The following KHDRBS3 variants were observed in gnomAD, a reference collection of about 807,000 sequenced individuals.
The protein encoded by KHDRBS3 is KH RNA binding domain containing, signal transduction associated 3, also known as KH domain-containing, RNA-binding, signal transduction-associated protein 3.
Under a neutral mutation model 45.6 loss-of-function variants are expected in KHDRBS3, and 23 were observed. The observed-to-expected ratio is 0.50, with a 90% CI of 0.36 to 0.72. The LOEUF (loss-of-function observed/expected upper bound fraction) is 0.72. Ranked by LOEUF, KHDRBS3 falls within the 30% of genes least tolerant of loss-of-function variation. The pLI is 0.00. For synonymous variants in KHDRBS3, 162 were observed against 156.5 expected, an observed-to-expected ratio of 1.04 and a Z score of -0.26; for missense variants, 352 against 424.8, an observed-to-expected ratio of 0.83 and a Z score of 1.51.
At chr8:135,543,704 T>C (rs909584677) in intron 3 of KHDRBS3, among the ~76,000 whole-genome samples, 1 of 152,218 alleles carries the variant, frequency 6.6e-6, no homozygotes, top group Admixed American at 6.5e-5. Context: ...TCATTTTACA[T>C]GTAAGGAAAC....
chr8:135,621,422 A>G (rs1830134194), intron 7 of KHDRBS3, among the ~76,000 whole-genome samples: 1 of 152,214 alleles, frequency 6.6e-6, no homozygotes, highest in Non-Finnish European at 1.5e-5. Context: ...TCTGCAAACA[A>G]CTATTGAAAC....
intron 7 of KHDRBS3, among the ~76,000 whole-genome samples, chr8:135,629,385 G>A (rs1347658169): frequency 1.3e-5 from 2 of 152,218 alleles, no homozygotes; most frequent in Non-Finnish European, 2.9e-5. Context: ...AGCTGCAGCA[G>A]ACACTTATTG....
At chr8:135,562,110 G>A (rs1471737194) in intron 5 of KHDRBS3, among the ~76,000 whole-genome samples, 2 of 152,158 alleles carry the variant, frequency 1.3e-5, no homozygotes, top group Non-Finnish European at 2.9e-5. Context: ...AAAGTCTACA[G>A]TAGTGTCCTA....
intron 6 of KHDRBS3, among the ~76,000 whole-genome samples, chr8:135,582,849 G>A (rs1828283304): frequency 6.6e-6 from 1 of 152,178 alleles, no homozygotes; most frequent in Non-Finnish European, 1.5e-5. Context: ...TAGGTGCTCT[G>A]TGCCTCTTTG....
chr8:135,620,207 G>T (rs527408484), intron 7 of KHDRBS3, among the ~76,000 whole-genome samples: 2 of 151,978 alleles, frequency 1.3e-5, no homozygotes, highest in East Asian at 3.9e-4. Flanking sequence ...TGAGTAGCTG[G>T]GACCACAGGC....
rs1052122373 is a variant in KHDRBS3, at chr8:135,457,620, G to T, written c.-247G>T. On this transcript the variant is annotated 5_prime_UTR_variant, in exon 1 of 9. Transcript: ENST00000355849. The surrounding 1 kb of genome is among the most constrained non-coding windows in gnomAD (Gnocchi z 4.4). ...CGCCGCCCGCGCCCGCTCCTCCTCG[G>T]CCCGCGCCCGGAGCGCGGGGGCCGC... The T allele has an allele frequency of 4.1e-5, 6 of 147,054 alleles. No homozygotes were observed. Among genetic ancestry groups the T allele is most frequent in the African/African-American group, 1.5e-4 (6 of 40,818 alleles). The allele number at this position is 147,054 out of a possible 1,614,324, so 9.1% of individuals were successfully genotyped here.
At chr8:135,506,911 G>C (rs1027416206) in intron 1 of KHDRBS3, among the ~76,000 whole-genome samples, 1 of 150,910 alleles carries the variant, frequency 6.6e-6, no homozygotes, top group East Asian at 2.0e-4. Context: ...ATTCTCTCCT[G>C]AATCATTTAT....
At chr8:135,567,777 C>T (rs1397666997) in intron 5 of KHDRBS3, among the ~76,000 whole-genome samples, 4 of 152,204 alleles carry the variant, frequency 2.6e-5, no homozygotes, top group Admixed American at 1.3e-4. Flanking sequence ...TCCCATTACC[C>T]AAAAGACTAA....
chr8:135,593,982 C>T (rs1828863274), intron 6 of KHDRBS3, among the ~76,000 whole-genome samples: 2 of 152,064 alleles, frequency 1.3e-5, no homozygotes, highest in African/African-American at 4.8e-5. Flanking sequence ...GAGGACTCTG[C>T]GCAGACTCGA....
chr8:135,507,154 T>G (rs979170636), intron 1 of KHDRBS3, among the ~76,000 whole-genome samples: 1 of 152,176 alleles, frequency 6.6e-6, no homozygotes, highest in African/African-American at 2.4e-5. Flanking sequence ...TTCAAACGGA[T>G]CTAGTGGAAT....
At chr8:135,473,103 C>CT (rs1179828329) in intron 1 of KHDRBS3, among the ~76,000 whole-genome samples, 3 of 149,968 alleles carry the variant, frequency 2.0e-5, no homozygotes, top group Non-Finnish European at 4.4e-5. Flanking sequence ...TCCAGTGATG[C>CT]TTACCTGCAT....
At chr8:135,567,695 C>T (rs191482835) in intron 5 of KHDRBS3, among the ~76,000 whole-genome samples, 254 of 152,186 alleles carry the variant, frequency 1.7e-3, no homozygotes, top group African/African-American at 5.7e-3. Flanking sequence ...CTGAGAAATC[C>T]GTAACTGCTT....
At chr8:135,597,702 T>G (rs1194373199) in intron 6 of KHDRBS3, among the ~76,000 whole-genome samples, 1 of 152,274 alleles carries the variant, frequency 6.6e-6, no homozygotes, top group Middle Eastern at 3.4e-3. Flanking sequence ...GACACCTAGT[T>G]GGCATTCAAC....
chr8:135,649,632 G>A (rs1286156530), downstream of KHDRBS3, among the ~76,000 whole-genome samples: 3 of 152,076 alleles, frequency 2.0e-5, no homozygotes, highest in Non-Finnish European at 2.9e-5. Context: ...TCTCTTGTAC[G>A]GAATGGGAAT....
At chr8:135,487,653 T>C (rs1188551143) in intron 1 of KHDRBS3, among the ~76,000 whole-genome samples, 2 of 151,966 alleles carry the variant, frequency 1.3e-5, no homozygotes, top group East Asian at 1.9e-4. Context: ...GTGTTGAAAG[T>C]GTAAATGGGA....
At chr8:135,603,211 A>G (rs1323498692) in intron 6 of KHDRBS3, among the ~76,000 whole-genome samples, 1 of 152,130 alleles carries the variant, frequency 6.6e-6, no homozygotes, top group Non-Finnish European at 1.5e-5. Context: ...GTCTCCCACT[A>G]CACCTCATGT....
intron 1 of KHDRBS3, among the ~76,000 whole-genome samples, chr8:135,491,165 A>G (rs1436278858): frequency 6.6e-6 from 1 of 152,160 alleles, no homozygotes; most frequent in East Asian, 1.9e-4. Flanking sequence ...TTCTCCAAAT[A>G]ATTGTGAACT....
intron 1 of KHDRBS3, among the ~76,000 whole-genome samples, chr8:135,483,111 C>G (rs1822668750): frequency 6.6e-6 from 1 of 152,094 alleles, no homozygotes; most frequent in South Asian, 2.1e-4. Flanking sequence ...AACCCTGTAT[C>G]TCTTTTGCAT....
chr8:135,537,552 C>T (rs1014640882), intron 2 of KHDRBS3, among the ~76,000 whole-genome samples: 1 of 152,196 alleles, frequency 6.6e-6, no homozygotes, highest in Non-Finnish European at 1.5e-5. Context: ...GTTATACCAT[C>T]TTCATAATCA....
Sources: gnomAD v4.1 joint callset for allele counts (sites outside exome capture counted in the v4.1 genomes callset) on GRCh38, gnomAD v4.1.1 for gene constraint, Gnocchi (gnomAD v3.1) non-coding constraint, MANE v1.5 for transcripts, NCBI Gene and HGNC (gene_info 2026-07-23, HGNC 2026-07-21) for gene names.